SCAPER: variants seen among roughly 807,000 people sequenced by gnomAD.
SCAPER encodes the protein S phase cyclin A-associated protein in the endoplasmic reticulum.
Under a neutral mutation model 182.2 loss-of-function variants are expected in SCAPER, and 98 were observed. The observed-to-expected ratio is 0.54, with a 90% CI of 0.46 to 0.64. The LOEUF is 0.64. Ranked by LOEUF, SCAPER falls within the 30% of genes least tolerant of loss-of-function variation. SCAPER has a pLI of 0.00. For missense variants in SCAPER, 1,432 were observed against 1,690.0 expected (o/e 0.85, Z 2.68); for synonymous variants, 605 against 564.6 (o/e 1.07, Z -1.01).
At chr15:76,831,040 C>G (rs1346704115) in intron 5 of SCAPER, among the ~76,000 whole-genome samples, 1 of 152,118 alleles carries the variant, frequency 6.6e-6, no homozygotes, top group Non-Finnish European at 1.5e-5. Context: ...CCTCCACAGG[C>G]ATTTGAGATG....
At chr15:76,758,317 C>T (rs2062572056) in intron 14 of SCAPER, among the ~76,000 whole-genome samples, 1 of 152,088 alleles carries the variant, frequency 6.6e-6, no homozygotes, top group Admixed American at 6.6e-5. Context: ...ACCCAGTATT[C>T]CCAATACCCT....
intron 16 of SCAPER, among the ~76,000 whole-genome samples, chr15:76,729,777 T>C (rs1264413420): frequency 1.3e-5 from 2 of 152,078 alleles, no homozygotes; most frequent in Non-Finnish European, 2.9e-5. Context: ...TATATAAAAT[T>C]CTAAATAATT....
rs1380146653 is a variant in SCAPER, at chr15:76,511,890, T to A, written c.2839-6916A>T. On this transcript the variant is annotated intron_variant, in intron 23 of 31. Coordinates refer to ENST00000563290, the MANE Select transcript of SCAPER (RefSeq NM_020843.4). ...GTGTGTGTATATATATATATATTTT[T>A]TTTTTTTTTTGAGATGGAGTCTTGC... Among the ~76,000 whole-genome samples the A allele has an allele frequency of 2.6e-3, 348 of 133,896 alleles. 6 individuals carry two copies. The highest frequency in any genetic ancestry group is 0.011 in the East Asian group (47 of 4,260). The allele number at this position is 133,896 out of a possible 152,430, so 87.8% of individuals were successfully genotyped here. A position where few individuals can be genotyped will look rare whatever the true frequency, so the allele number is the denominator to read the frequency against.
intron 12 of SCAPER, 51 bp downstream of exon 12, chr15:76,765,512 A>G (rs1363076255): frequency 6.2e-7 from 1 of 1,608,588 alleles, no homozygotes; most frequent in Non-Finnish European, 8.5e-7. Flanking sequence ...AACATTTGAG[A>G]ACAAACTTTT....
intron 23 of SCAPER, among the ~76,000 whole-genome samples, chr15:76,554,809 CAG>C (rs2046066779): frequency 7.0e-6 from 1 of 142,410 alleles, no homozygotes; most frequent in African/African-American, 2.6e-5. Context: ...TTTTTTGAGA[CAG>C]AGTCACCAGG....
chr15:76,625,293 G>A (rs1219143383), intron 21 of SCAPER, among the ~76,000 whole-genome samples: 41 of 152,176 alleles, frequency 2.7e-4, no homozygotes, highest in Non-Finnish European at 1.5e-5. Context: ...CACTACTAGG[G>A]AGAATGAGGT....
intron 14 of SCAPER, among the ~76,000 whole-genome samples, chr15:76,764,271 A>G (rs923928470): frequency 2.0e-5 from 3 of 152,218 alleles, no homozygotes; most frequent in Non-Finnish European, 2.9e-5. Context: ...AGAGTTGGCA[A>G]TATCAGTAAC....
chr15:76,569,451 G>A (rs1223094168), intron 23 of SCAPER, among the ~76,000 whole-genome samples: 1 of 151,976 alleles, frequency 6.6e-6, no homozygotes, highest in East Asian at 1.9e-4. Context: ...ATTTTGTTTA[G>A]GAATTCTGAA....
At chr15:76,655,023 A>G (rs904567842) in intron 21 of SCAPER, among the ~76,000 whole-genome samples, 3 of 152,192 alleles carry the variant, frequency 2.0e-5, no homozygotes, top group African/African-American at 7.2e-5. Context: ...AACAGCACTA[A>G]TTCTTAACAA....
intron 15 of SCAPER, among the ~76,000 whole-genome samples, chr15:76,750,570 T>C (rs777744520): frequency 6.6e-6 from 1 of 151,894 alleles, no homozygotes; most frequent in Non-Finnish European, 1.5e-5. Context: ...TTATACACCA[T>C]GACCAAGTGG....
chr15:76,431,098 G>A (rs1215977579), intron 26 of SCAPER, among the ~76,000 whole-genome samples: 1 of 130,648 alleles, frequency 7.7e-6, no homozygotes, highest in African/African-American at 3.0e-5. Flanking sequence ...GTTCTGCCAT[G>A]ATTGTGAGGT....
intron 31 of SCAPER, 57 bp from the exon 32 acceptor site, chr15:76,348,793 G>T: frequency 9.5e-7 from 1 of 1,047,374 alleles, no homozygotes; most frequent in Non-Finnish European, 1.4e-6. Flanking sequence ...ATTCTTTGAA[G>T]ATTCATAAAT....
chr15:76,681,031 T>C (rs58361452), intron 20 of SCAPER, among the ~76,000 whole-genome samples: 58,038 of 152,048 alleles, frequency 0.38, 13,087 homozygotes, highest in Middle Eastern at 0.51. Context: ...AGCAAGGATA[T>C]AGTAGATGAG....
chr15:76,451,473 T>C (rs890637843), intron 25 of SCAPER, among the ~76,000 whole-genome samples: 81 of 152,356 alleles, frequency 5.3e-4, no homozygotes, highest in African/African-American at 1.9e-3. Context: ...TTTGTTAAAC[T>C]ATATTGTCAA....
At chr15:76,828,490 T>C (rs528762332) in intron 5 of SCAPER, among the ~76,000 whole-genome samples, 1 of 152,304 alleles carries the variant, frequency 6.6e-6, no homozygotes, top group South Asian at 2.1e-4. Flanking sequence ...TAAAGTGTCA[T>C]GTTAAACAGA....
chr15:76,444,702 A>C (rs555388948), intron 25 of SCAPER, among the ~76,000 whole-genome samples: 1 of 152,224 alleles, frequency 6.6e-6, no homozygotes, highest in East Asian at 1.9e-4. Context: ...TACTTCCATG[A>C]ATCTGATGAC....
chr15:76,888,942 T>A (rs2074010991), intron 1 of SCAPER, among the ~76,000 whole-genome samples: 1 of 152,094 alleles, frequency 6.6e-6, no homozygotes, highest in Admixed American at 6.6e-5. Context: ...GTCAGGTTAT[T>A]CACAAAGGGA....
At chr15:76,545,329 A>C (rs761169413) in intron 23 of SCAPER, among the ~76,000 whole-genome samples, 2 of 152,146 alleles carry the variant, frequency 1.3e-5, no homozygotes, top group Non-Finnish European at 2.9e-5. Flanking sequence ...GCTCATCCTG[A>C]ACATTCTGTG....
intron 27 of SCAPER, among the ~76,000 whole-genome samples, chr15:76,386,262 C>T (rs1177107730): frequency 6.6e-6 from 1 of 152,190 alleles, no homozygotes; most frequent in Non-Finnish European, 1.5e-5. Context: ...ATCCCTTAAG[C>T]CAAGCAAGGT....
Sources: gnomAD v4.1 joint callset for allele counts (sites outside exome capture counted in the v4.1 genomes callset) on GRCh38, gnomAD v4.1.1 for gene constraint, MANE v1.5 for transcripts, NCBI Gene and HGNC (gene_info 2026-07-23, HGNC 2026-07-21) for gene names.